The following AACS variants were observed in gnomAD, a reference collection of about 807,000 sequenced individuals.
The protein encoded by AACS is acetoacetyl-CoA synthetase.
Under a neutral mutation model 83.1 loss-of-function variants are expected in AACS, and 69 were observed. That is an observed-to-expected ratio of 0.83 (90% CI 0.68 to 1.01). AACS has a LOEUF of 1.01. AACS is among the 50% of genes least tolerant of loss of function. AACS has a pLI of 0.00. For synonymous variants in AACS, 333 were observed against 343.4 expected, an observed-to-expected ratio of 0.97 and a Z score of 0.33; for missense variants, 866 against 882.2, an observed-to-expected ratio of 0.98 and a Z score of 0.23.
intron 5 of AACS, among the ~76,000 whole-genome samples, chr12:125,095,855 C>T (rs1956594819): frequency 6.6e-6 from 1 of 152,196 alleles, no homozygotes; most frequent in South Asian, 2.1e-4. Flanking sequence ...CACCAGCACC[C>T]ACATCAGACA....
Position 125,091,495 on chromosome 12 carries a change from G to A in AACS, c.542G>A (p.Ser181Asn). 6.2e-7 allele frequency: 1 copy of A among 1,614,264 alleles called. No homozygotes were observed. The highest frequency in any genetic ancestry group is 8.5e-7 in the Non-Finnish European group (1 of 1,180,060). ...GCGGCAAGCATTGGTGCCATCTGGA[G>A]CTCCACGTCCCCGGACTTCGGTGTG... Reference protein sequence around the residue: ...LAAASIGAIWSSTSPDFGVNG... With the variant: ...LAAASIGAIWNSTSPDFGVNG... Residue 181 changes from serine (S) to asparagine (N), a missense_variant, in exon 5 of 18, where the codon AGC becomes AAC. Coordinates refer to ENST00000316519, the MANE Select transcript of AACS (RefSeq NM_023928.5).
chr12:125,107,085 C>T (rs760288634), intron 7 of AACS, 36 bp from the exon 8 acceptor site: 33 of 1,613,134 alleles, frequency 2.0e-5, no homozygotes, highest in South Asian at 1.9e-4. Flanking sequence ...CATTCTGGGA[C>T]GTTCATGGCG....
intron 14 of AACS, among the ~76,000 whole-genome samples, 186 bp from the exon 15 acceptor site, chr12:125,133,817 A>C (rs1957361044): frequency 6.6e-6 from 1 of 152,192 alleles, no homozygotes; most frequent in South Asian, 2.1e-4. Flanking sequence ...CTGCCCGGGC[A>C]GCAGCCCCGC....
intron 7 of AACS, 130 bp from the exon 8 acceptor site, chr12:125,106,990 TG>T: frequency 7.4e-7 from 1 of 1,347,392 alleles, no homozygotes; most frequent in Non-Finnish European, 1.0e-6. Context: ...TTTCCAAATC[TG>T]GCCACCGTCC....
chr12:125,129,734 G>C lies in AACS; in HGVS notation c.1549+274G>C, dbSNP rs930826459. Among the ~76,000 whole-genome samples, 5 of 152,214 alleles carry C rather than the reference G, an allele frequency of 3.3e-5. No individual in the cohort carries two copies. Among genetic ancestry groups the C allele is most frequent in the Non-Finnish European group, 7.3e-5 (5 of 68,046 alleles). On this transcript the variant is annotated intron_variant, in intron 14 of 17. Coordinates refer to ENST00000316519, the MANE Select transcript of AACS (RefSeq NM_023928.5). The surrounding 1 kb of genome is among the most constrained non-coding windows in gnomAD (Gnocchi z 4.3). Reference sequence around the variant, plus strand: ...CTCTTGGCCCCAGCCCCTGCTGCTGGGAGCTGGCACGAGCCTCTGGTTTGC... The same window carrying C: ...CTCTTGGCCCCAGCCCCTGCTGCTGCGAGCTGGCACGAGCCTCTGGTTTGC...
rs1957016702 is a variant in AACS at position 125,114,576 on chromosome 12, G to T, written c.996+19G>T. ...CACCACGGTAAGGGCTTCCCCAGGT[G>T]CTGGCCTGTGCTATACCACAATAGG... On this transcript the variant is annotated intron_variant, in intron 9 of 17. Coordinates refer to ENST00000316519, the MANE Select transcript of AACS (RefSeq NM_023928.5). 6.2e-7 allele frequency: 1 copy of T among 1,607,490 alleles called. No homozygotes were observed. Among genetic ancestry groups the T allele is most frequent in the African/African-American group, 1.3e-5 (1 of 74,712 alleles).
intron 1 of AACS, among the ~76,000 whole-genome samples, chr12:125,069,915 T>C: frequency 6.6e-6 from 1 of 152,222 alleles, no homozygotes; most frequent in East Asian, 1.9e-4. Context: ...TTCTGAGTAC[T>C]GCACTGTTGT....
intron 3 of AACS, among the ~76,000 whole-genome samples, chr12:125,084,446 C>T (rs1956280835): frequency 6.6e-6 from 1 of 151,846 alleles, no homozygotes; most frequent in African/African-American, 2.4e-5. Context: ...CTCTGTTGCT[C>T]AGGCTGGAGT....
In AACS at chr12:125,099,779, G is replaced by A. The variant is rs1956679323; in HGVS notation, c.571-2900G>A. 2.6e-5 allele frequency among the ~76,000 whole-genome samples: 4 copies of A among 152,088 alleles called. No homozygotes were observed. The South Asian group carries it at 8.3e-4, about 32-fold the overall frequency. On this transcript the variant is annotated intron_variant, in intron 5 of 17. Transcript: ENST00000316519. ...CAACCTCTGCCTCCCGGGCTCAAGCGATTCTCCTGCCTCAGCCTCCCAAGT... is the reference window on the plus strand; with the variant it reads ...CAACCTCTGCCTCCCGGGCTCAAGCAATTCTCCTGCCTCAGCCTCCCAAGT...
intron 8 of AACS, among the ~76,000 whole-genome samples, chr12:125,112,928 C>T (rs1483212727): frequency 1.3e-5 from 2 of 152,114 alleles, no homozygotes; most frequent in African/African-American, 4.8e-5. Flanking sequence ...GAGAAACTGC[C>T]CCCGTGAGTC....
intron 12 of AACS, chr12:125,127,140 A>G (rs540377510): frequency 7.0e-6 from 1 of 143,294 alleles, no homozygotes; most frequent in African/African-American, 2.6e-5. Context: ...AACTCCGTCT[A>G]AAAAAAAAAA....
chr12:125,102,604 A>G, intron 5 of AACS, 75 bp from the exon 6 acceptor site: 2 of 1,268,260 alleles, frequency 1.6e-6, no homozygotes, highest in South Asian at 2.4e-5. Context: ...AGCTGGGACT[A>G]CAGGCACCCA....
chr12:125,077,747 T>G (rs116218815), intron 3 of AACS, among the ~76,000 whole-genome samples: 173 of 152,042 alleles, frequency 1.1e-3, no homozygotes, highest in African/African-American at 3.9e-3. Flanking sequence ...AGAATCTTCC[T>G]CTGTTGCCAA....
At position 125,103,076 on chromosome 12, in the gene AACS, A is replaced by G; in HGVS notation, c.762A>G (p.Pro254=). Residue 254 remains proline (P), a synonymous_variant, in exon 7 of 18, where the codon CCA becomes CCG. Transcript: ENST00000316519. Reference sequence around the variant, plus strand: ...AGAACATAGACCTTTCAAAGATTCCAAACAGGTAATGTACCGCATTCTGAC... The same window carrying G: ...AGAACATAGACCTTTCAAAGATTCCGAACAGGTAATGTACCGCATTCTGAC... ...SRENIDLSKI[P]NSVFLDDFLA... is the part of the protein sequence containing the mutation. The G allele has an allele frequency of 6.2e-7, 1 of 1,613,774 alleles. No individual in the cohort carries two copies. The highest frequency in any genetic ancestry group is 1.7e-5 in the Admixed American group (1 of 59,934).
intron 15 of AACS, among the ~76,000 whole-genome samples, chr12:125,134,557 G>A (rs948393894): frequency 6.6e-5 from 10 of 152,216 alleles, no homozygotes; most frequent in Admixed American, 5.2e-4. Context: ...TGGGGGACAC[G>A]TGTGCAGGTG....
chr12:125,092,690 A>C (rs966674442), intron 5 of AACS: 2 of 143,240 alleles, frequency 1.4e-5, no homozygotes, highest in African/African-American at 5.2e-5. Flanking sequence ...AGGCCATCTC[A>C]CCCCAGGACC....
Position 125,098,706 on chromosome 12 carries a change from G to A in AACS, c.571-3973G>A, listed in dbSNP as rs368585314. On this transcript the variant is annotated intron_variant, in intron 5 of 17. Coordinates refer to ENST00000316519, the MANE Select transcript of AACS (RefSeq NM_023928.5). Reference sequence around the variant, plus strand: ...ATCCTCAAGTGATCCACCCGCCTTGGCCTCCCGGTGTTGGGTGTACAGGCG... The same window carrying A: ...ATCCTCAAGTGATCCACCCGCCTTGACCTCCCGGTGTTGGGTGTACAGGCG... Among the ~76,000 whole-genome samples, 37 of 152,128 alleles carry A rather than the reference G, an allele frequency of 2.4e-4. 1 individual carries two copies. Among genetic ancestry groups the A allele is most frequent in the African/African-American group, 8.0e-4 (33 of 41,406 alleles).
chr12:125,114,425 T>G lies in AACS; in HGVS notation c.916-52T>G, dbSNP rs1957013426. 2.0e-6 allele frequency: 3 copies of G among 1,515,746 alleles called. No individual in the cohort carries two copies. In the East Asian group the frequency reaches 6.8e-5, roughly 34 times the overall value. The allele number at this position is 1,515,746 out of a possible 1,614,324, so 93.9% of individuals were successfully genotyped here. On this transcript the variant is annotated intron_variant, in intron 8 of 17. Coordinates refer to ENST00000316519, the MANE Select transcript of AACS (RefSeq NM_023928.5). Reference sequence around the variant, plus strand: ...GCGCGTGGGCCAGGTACCAGATTCCTGGTACTGTATGCCTAACAGAGAGCA... The same window carrying G: ...GCGCGTGGGCCAGGTACCAGATTCCGGGTACTGTATGCCTAACAGAGAGCA...
At chr12:125,132,969 G>A (rs1190510060) in intron 14 of AACS, among the ~76,000 whole-genome samples, 2 of 152,224 alleles carry the variant, frequency 1.3e-5, no homozygotes, top group East Asian at 3.9e-4. Flanking sequence ...TGCCTTCTGA[G>A]GCTGCCGCCC....
Sources: gnomAD v4.1 joint callset for allele counts (sites outside exome capture counted in the v4.1 genomes callset) on GRCh38, gnomAD v4.1.1 for gene constraint, Gnocchi (gnomAD v3.1) non-coding constraint, MANE v1.5 for transcripts, NCBI Gene and HGNC (gene_info 2026-07-23, HGNC 2026-07-21) for gene names.